Variants in EFNA5 observed in about 807,000 individuals in gnomAD.
EFNA5 encodes the protein ephrin A5.
In EFNA5, 5 loss-of-function variants were observed where a neutral mutation model predicts 22.9. The observed-to-expected ratio is 0.22, with a 90% CI of 0.11 to 0.46. EFNA5 has a LOEUF of 0.46. Ranked by LOEUF, EFNA5 falls within the 20% of genes least tolerant of loss-of-function variation. EFNA5 has a pLI of 0.99. For synonymous variants in EFNA5, 113 were observed against 112.2 expected, an observed-to-expected ratio of 1.01 and a Z score of -0.04; for missense variants, 237 against 293.3, an observed-to-expected ratio of 0.81 and a Z score of 1.40.
chr5:107,386,378 T>A (rs1298688995), intron 4 of EFNA5, among the ~76,000 whole-genome samples: 1 of 152,010 alleles, frequency 6.6e-6, no homozygotes, highest in African/African-American at 2.4e-5. Flanking sequence ...GGGCGACCAC[T>A]CCTCTCAGTT....
At chr5:107,666,395 T>C (rs1020925926) in intron 1 of EFNA5, among the ~76,000 whole-genome samples, 3 of 152,120 alleles carry the variant, frequency 2.0e-5, no homozygotes, top group African/African-American at 4.8e-5. Flanking sequence ...TTGGGAGTGT[T>C]GACCTAGAAT....
intron 1 of EFNA5, among the ~76,000 whole-genome samples, chr5:107,497,164 T>A (rs889464922): frequency 2.0e-5 from 3 of 152,174 alleles, no homozygotes; most frequent in Admixed American, 2.0e-4. Flanking sequence ...TTGCTATCTG[T>A]AGTAGTAGGT....
At chr5:107,515,777 T>C (rs1042197602) in intron 1 of EFNA5, among the ~76,000 whole-genome samples, 14 of 152,202 alleles carry the variant, frequency 9.2e-5, no homozygotes, top group African/African-American at 3.1e-4. Flanking sequence ...CTTCCTAATC[T>C]TATAACCTCT....
chr5:107,445,189 A>G (rs531663274), intron 1 of EFNA5, among the ~76,000 whole-genome samples: 13 of 152,024 alleles, frequency 8.6e-5, no homozygotes, highest in African/African-American at 2.9e-4. Context: ...CACTCGGCTA[A>G]TTTTTATATT....
At chr5:107,466,564 T>C (rs778648790) in intron 1 of EFNA5, among the ~76,000 whole-genome samples, 3 of 152,122 alleles carry the variant, frequency 2.0e-5, no homozygotes, top group Non-Finnish European at 4.4e-5. Flanking sequence ...CTGTGCGGCA[T>C]GAGGAATGTT....
At chr5:107,627,597 T>C (rs1245655323) in intron 1 of EFNA5, among the ~76,000 whole-genome samples, 11 of 142,108 alleles carry the variant, frequency 7.7e-5, no homozygotes. Context: ...GATTGTGCCA[T>C]TGCACTCCAA....
At chr5:107,631,557 A>G (rs1183766505) in intron 1 of EFNA5, among the ~76,000 whole-genome samples, 2 of 152,160 alleles carry the variant, frequency 1.3e-5, no homozygotes, top group African/African-American at 4.8e-5. Flanking sequence ...AACTCTTCCC[A>G]TAAAACACTG....
chr5:107,650,572 A>G (rs1251860934), intron 1 of EFNA5, among the ~76,000 whole-genome samples: 1 of 152,232 alleles, frequency 6.6e-6, no homozygotes. Flanking sequence ...AAATGTGCTT[A>G]TAATACAGAA....
At chr5:107,457,551 AG>A (rs1749727354) in intron 1 of EFNA5, among the ~76,000 whole-genome samples, 1 of 152,184 alleles carries the variant, frequency 6.6e-6, no homozygotes, top group African/African-American at 2.4e-5. Flanking sequence ...GCAAGAAAAA[AG>A]TCTGTACATG....
chr5:107,585,203 G>A (rs1185666763), intron 1 of EFNA5, among the ~76,000 whole-genome samples: 2 of 152,086 alleles, frequency 1.3e-5, no homozygotes, highest in Non-Finnish European at 2.9e-5. Context: ...GCAATAAGTA[G>A]GTACAATTTT....
At chr5:107,475,872 G>A (rs995489561) in intron 1 of EFNA5, among the ~76,000 whole-genome samples, 1 of 150,842 alleles carries the variant, frequency 6.6e-6, no homozygotes, top group Non-Finnish European at 1.5e-5. Flanking sequence ...TGTTGTTAAT[G>A]AATATCAACA....
intron 1 of EFNA5, among the ~76,000 whole-genome samples, chr5:107,482,911 T>C (rs1193237430): frequency 1.2e-4 from 16 of 138,432 alleles, no homozygotes; most frequent in Non-Finnish European, 2.2e-4. Flanking sequence ...TATATACACA[T>C]ACACACACAC....
At chr5:107,560,576 CA>C (rs1338856890) in intron 1 of EFNA5, among the ~76,000 whole-genome samples, 1 of 152,162 alleles carries the variant, frequency 6.6e-6, no homozygotes, top group African/African-American at 2.4e-5. Context: ...TTTAGCTGGC[CA>C]CAAACGTTAA....
At chr5:107,594,377 G>C (rs1749433442) in intron 1 of EFNA5, among the ~76,000 whole-genome samples, 1 of 152,080 alleles carries the variant, frequency 6.6e-6, no homozygotes, top group African/African-American at 2.4e-5. Flanking sequence ...CACAGAGACA[G>C]GAAAAGGAAG....
At chr5:107,559,422 G>T (rs1034987252) in intron 1 of EFNA5, among the ~76,000 whole-genome samples, 1 of 152,134 alleles carries the variant, frequency 6.6e-6, no homozygotes, top group African/African-American at 2.4e-5. Flanking sequence ...GGCCCATAAT[G>T]AGCACTGAAT....
intron 2 of EFNA5, among the ~76,000 whole-genome samples, chr5:107,425,864 T>C (rs1339854483): frequency 6.6e-6 from 1 of 152,176 alleles, no homozygotes; most frequent in Non-Finnish European, 1.5e-5. Context: ...TAGGGACATT[T>C]GGACTGAAGA....
At chr5:107,569,536 T>A (rs1375569842) in intron 1 of EFNA5, among the ~76,000 whole-genome samples, 29 of 132,272 alleles carry the variant, frequency 2.2e-4, no homozygotes, top group African/African-American at 7.9e-4. Flanking sequence ...TATATTTATA[T>A]ATATATGTGT....
At chr5:107,433,919 TG>T (rs1394095218) in intron 1 of EFNA5, among the ~76,000 whole-genome samples, 10 of 149,800 alleles carry the variant, frequency 6.7e-5, no homozygotes, top group Non-Finnish European at 1.2e-4. Context: ...AAAAAAAAAT[TG>T]CTCCCTGTAC....
chr5:107,422,309 T>C (rs1296038048), intron 2 of EFNA5, among the ~76,000 whole-genome samples: 6 of 152,238 alleles, frequency 3.9e-5, no homozygotes, highest in African/African-American at 1.2e-4. Context: ...AACATCTGCA[T>C]GTGCCAAGCA....
Sources: allele counts gnomAD v4.1 joint callset (sites outside exome capture counted in the v4.1 genomes callset), GRCh38; gene constraint gnomAD v4.1.1; transcripts MANE v1.5; gene names NCBI Gene and HGNC (gene_info 2026-07-23, HGNC 2026-07-21).